The following FBXO11 variants were observed in gnomAD, a reference collection of about 807,000 sequenced individuals.
The protein encoded by FBXO11 is F-box protein 11.
In FBXO11, 13 loss-of-function variants were observed where a neutral mutation model predicts 117.0. That is an observed-to-expected ratio of 0.11 (90% confidence interval 0.07 to 0.18). The LOEUF is 0.18. FBXO11 is among the 10% of genes least tolerant of loss of function. FBXO11 has a pLI of 1.00. For synonymous variants in FBXO11, 490 were observed against 380.5 expected (o/e 1.29, Z -3.35); for missense variants, 767 against 1,164.4 (o/e 0.66, Z 4.97).
rs183337024 is a variant in FBXO11, at chr2:47,849,179, C to T, written c.233-9410G>A. 2.6e-5 allele frequency among the ~76,000 whole-genome samples: 4 copies of T among 152,026 alleles called. No homozygotes were observed. In the East Asian group the frequency reaches 7.7e-4, roughly 29 times the overall value. ...GCTAAAAAAATTCACAAATGGAAAT[C>T]AAGATAAAATTTAAATACTTATAAA... On this transcript the variant is annotated intron_variant, in intron 1 of 22. Coordinates refer to ENST00000403359, the MANE Select transcript of FBXO11 (RefSeq NM_001190274.2).
Position 47,813,416 on chromosome 2 carries a change from TTC to T in FBXO11, c.2084-41_2084-40del, listed in dbSNP as rs764176396. 8 of 1,158,732 alleles carry T rather than the reference TTC, an allele frequency of 6.9e-6. No homozygotes were observed. The African/African-American group carries it at 1.6e-4, about 23-fold the overall frequency. The allele number at this position is 1,158,732 out of a possible 1,614,324, so 71.8% of individuals were successfully genotyped here. A position where few individuals can be genotyped will look rare whatever the true frequency, so the allele number is the denominator to read the frequency against. On this transcript the variant is annotated intron_variant, in intron 17 of 22. Coordinates refer to ENST00000403359, the MANE Select transcript of FBXO11 (RefSeq NM_001190274.2). Reference sequence around the variant, plus strand: ...AATGTAGGTTATCTAGAAGGTATATTTCTTTTTAATTTTTTTTTTTTTTTTTT... The same window carrying T: ...AATGTAGGTTATCTAGAAGGTATATTTTTTTAATTTTTTTTTTTTTTTTTT...
chr2:47,823,096 A>T, intron 12 of FBXO11, 47 bp downstream of exon 12: 1 of 1,393,678 alleles, frequency 7.2e-7, no homozygotes, highest in Non-Finnish European at 9.9e-7. Context: ...TTTTAAGCAA[A>T]CCTTGAAGTG....
chr2:47,832,997 A>G lies in FBXO11; in HGVS notation c.1008T>C (p.Ser336=). The G allele has an allele frequency of 6.2e-7, 1 of 1,613,640 alleles. No homozygotes were observed. The highest frequency in any genetic ancestry group is 8.5e-7 in the Non-Finnish European group (1 of 1,179,572). ...TCATATATCCAACATAAGCATCTTC[A>G]GAGCCTTCCATAAAAACGAAGGTTG... is the stretch of plus-strand genomic sequence containing the variant. ...RDSTFVFMEG[S]EDAYVGYMTI... Residue 336 remains serine, a synonymous_variant, in exon 8 of 23, where the codon TCT becomes TCC. Transcript: ENST00000403359.
rs560529471 is a variant in FBXO11, at chr2:47,864,326, G to A, written c.233-24557C>T. Among the ~76,000 whole-genome samples, 255 of 152,296 alleles carry A rather than the reference G, an allele frequency of 1.7e-3. 1 individual carries two copies. The highest frequency in any genetic ancestry group is 5.8e-3 in the African/African-American group (239 of 41,558). On this transcript the variant is annotated intron_variant, in intron 1 of 22. Coordinates refer to ENST00000403359, the MANE Select transcript of FBXO11 (RefSeq NM_001190274.2). ...GAATTGGCTGGGCGTGGTGGCTCAC[G>A]CCTGTAATCCCAGCAGTTTGGGAGG...
At chr2:47,900,462 T>C (rs908025194) in intron 1 of FBXO11, among the ~76,000 whole-genome samples, 13 of 152,016 alleles carry the variant, frequency 8.6e-5, no homozygotes, top group African/African-American at 2.9e-4. Context: ...CTAGCATTCC[T>C]GACTAGAACA....
Position 47,814,315 on chromosome 2 carries a change from A to T in FBXO11, c.2007-448T>A, listed in dbSNP as rs1670853803. Reference sequence around the variant, plus strand: ...TTCATAAAAAAAAGCACATACCCTAACTTAAAAATACTTTATCGCTAAAAA... The same window carrying T: ...TTCATAAAAAAAAGCACATACCCTATCTTAAAAATACTTTATCGCTAAAAA... On this transcript the variant is annotated intron_variant, in intron 16 of 22. Coordinates refer to ENST00000403359, the MANE Select transcript of FBXO11 (RefSeq NM_001190274.2). 7 of 152,752 alleles carry T rather than the reference A, an allele frequency of 4.6e-5. No homozygotes were observed. In the South Asian group the frequency reaches 1.4e-3, roughly 31 times the overall value. 9.5% of individuals were successfully genotyped at this position (152,752 alleles called of 1,614,324 possible).
intron 1 of FBXO11, among the ~76,000 whole-genome samples, chr2:47,851,989 A>ATAT (rs1673899210): frequency 7.5e-6 from 1 of 132,850 alleles, no homozygotes; most frequent in Non-Finnish European, 1.6e-5. Flanking sequence ...CAAGCAACCA[A>ATAT]TTTTTTTTTT....
At chr2:47,896,093 C>T (rs1677644654) in intron 1 of FBXO11, among the ~76,000 whole-genome samples, 1 of 152,198 alleles carries the variant, frequency 6.6e-6, no homozygotes, top group South Asian at 2.1e-4. Flanking sequence ...ATGATTCATA[C>T]ATACTCTACT....
intron 1 of FBXO11, among the ~76,000 whole-genome samples, chr2:47,876,400 A>G (rs1676009073): frequency 6.6e-6 from 1 of 152,176 alleles, no homozygotes; most frequent in African/African-American, 2.4e-5. Context: ...CTGGTTTACT[A>G]TTCTTGCTGA....
At chr2:47,836,620 A>AT (rs1672579540) in intron 4 of FBXO11, among the ~76,000 whole-genome samples, 1 of 151,828 alleles carries the variant, frequency 6.6e-6, no homozygotes, top group Admixed American at 6.6e-5. Context: ...CTGGCCGAAA[A>AT]TTAGTTTTCC....
chr2:47,860,451 C>G (rs1182502729), intron 1 of FBXO11, among the ~76,000 whole-genome samples: 1 of 150,418 alleles, frequency 6.6e-6, no homozygotes, highest in Non-Finnish European at 1.5e-5. Flanking sequence ...GGCTCTGTCG[C>G]CCAGAGTGGA....
chr2:47,831,725 A>T (rs1365385853), intron 11 of FBXO11, among the ~76,000 whole-genome samples: 1 of 152,196 alleles, frequency 6.6e-6, no homozygotes, highest in East Asian at 1.9e-4. Context: ...TCAAAAAGTC[A>T]TGTCTCTAGA....
chr2:47,837,712 T>C (rs923577192), intron 4 of FBXO11, among the ~76,000 whole-genome samples: 3 of 152,182 alleles, frequency 2.0e-5, no homozygotes, highest in Admixed American at 6.5e-5. Flanking sequence ...TGTGATTATA[T>C]AGCATATACA....
chr2:47,816,802 A>G (rs1164162379), intron 16 of FBXO11, among the ~76,000 whole-genome samples: 2 of 152,322 alleles, frequency 1.3e-5, no homozygotes, highest in East Asian at 3.9e-4. Context: ...GACTTAACAT[A>G]TTCAGTAAAC....
intron 1 of FBXO11, among the ~76,000 whole-genome samples, chr2:47,881,119 G>C (rs193035538): frequency 1.3e-5 from 2 of 152,042 alleles, no homozygotes; most frequent in African/African-American, 4.8e-5. Context: ...GGGCTTAGTG[G>C]CGGGTGCCTG....
chr2:47,877,135 T>C (rs1676066109), intron 1 of FBXO11, among the ~76,000 whole-genome samples: 1 of 151,964 alleles, frequency 6.6e-6, no homozygotes, highest in Admixed American at 6.6e-5. Context: ...TAAGCGATCC[T>C]CCCACCTCAG....
chr2:47,847,238 C>A (rs1384536189), intron 1 of FBXO11, among the ~76,000 whole-genome samples: 1 of 152,044 alleles, frequency 6.6e-6, no homozygotes, highest in African/African-American at 2.4e-5. Flanking sequence ...GAGTGAGACT[C>A]TGTCTCAAAC....
intron 11 of FBXO11, among the ~76,000 whole-genome samples, chr2:47,823,721 C>T (rs1419230612): frequency 6.6e-6 from 1 of 151,604 alleles, no homozygotes; most frequent in Admixed American, 6.6e-5. Context: ...CCACTGCACT[C>T]CAGCCTGGGT....
intron 11 of FBXO11, among the ~76,000 whole-genome samples, chr2:47,825,956 A>G (rs1671724655): frequency 2.0e-5 from 3 of 152,180 alleles, no homozygotes; most frequent in Admixed American, 2.0e-4. Context: ...GTAAAAAAAA[A>G]TTGATATACA....
Sources: gnomAD v4.1 joint callset for allele counts (sites outside exome capture counted in the v4.1 genomes callset) on GRCh38, gnomAD v4.1.1 for gene constraint, MANE v1.5 for transcripts, NCBI Gene and HGNC (gene_info 2026-07-23, HGNC 2026-07-21) for gene names.